The following RSPH14 variants were observed in gnomAD, a reference collection of about 807,000 sequenced individuals.
RSPH14 encodes the protein rhabdoid tumor deletion region gene 1.
A neutral mutation model predicts 26.7 loss-of-function variants in RSPH14; 20 were observed. That is an observed-to-expected ratio of 0.75 (90% confidence interval 0.53 to 1.09). The LOEUF (loss-of-function observed/expected upper bound fraction) is 1.09. RSPH14 is among the 50% of genes least tolerant of loss of function. The pLI is 0.00. For synonymous variants in RSPH14, 177 were observed against 189.3 expected (o/e 0.93, Z 0.53); for missense variants, 449 against 457.2 (o/e 0.98, Z 0.16).
intron 3 of RSPH14, 67 bp from the exon 4 acceptor site, chr22:23,134,211 T>TCAGACTCCAG: frequency 2.5e-6 from 3 of 1,205,056 alleles, no homozygotes; most frequent in Middle Eastern, 2.0e-4. Context: ...ATTAGAAGAG[T>TCAGACTCCAG]CAGGGTCCCT....
intron 3 of RSPH14, chr22:23,137,884 A>C (rs756959471): frequency 6.3e-4 from 101 of 159,874 alleles, no homozygotes; most frequent in Non-Finnish European, 6.2e-4. Context: ...TTCTAATACA[A>C]AGTAAAACTA....
chr22:23,084,280 C>T (rs1189154423), intron 4 of RSPH14, among the ~76,000 whole-genome samples: 1 of 152,176 alleles, frequency 6.6e-6, no homozygotes, highest in African/African-American at 2.4e-5. Context: ...ACTTTGAGTA[C>T]TCATACAACC....
In RSPH14 at chr22:23,065,257, G is replaced by C. The variant is rs563287928; in HGVS notation, c.422-1124C>G. On this transcript the variant is annotated intron_variant, in intron 4 of 6. Coordinates refer to ENST00000216036, the MANE Select transcript of RSPH14 (RefSeq NM_014433.3). Reference sequence around the variant, plus strand: ...CACTCCCTGAGGACATCAAACAGCAGGTGCCCAGGGTGATGGGGTAGAAAG... The same window carrying C: ...CACTCCCTGAGGACATCAAACAGCACGTGCCCAGGGTGATGGGGTAGAAAG... 2.0e-5 allele frequency among the ~76,000 whole-genome samples: 3 copies of C among 152,258 alleles called. No individual in the cohort carries two copies. In the South Asian group the frequency reaches 6.2e-4, roughly 32 times the overall value.
At chr22:23,173,157 C>T in the RSPH14 span, among the ~76,000 whole-genome samples, 5 of 151,776 alleles carry the variant, frequency 3.3e-5, no homozygotes, top group Non-Finnish European at 5.9e-5. Flanking sequence ...TTCTTTGAGA[C>T]GGAGTCTCGC....
intron 4 of RSPH14, chr22:23,123,798 G>T (rs1041310925): frequency 1.1e-4 from 29 of 263,976 alleles, no homozygotes; most frequent in Middle Eastern, 2.8e-3. Flanking sequence ...GATTGTTAGG[G>T]ATAGGCAGCA....
At chr22:23,102,637 C>T (rs1215779771) in intron 4 of RSPH14, among the ~76,000 whole-genome samples, 2 of 152,248 alleles carry the variant, frequency 1.3e-5, no homozygotes, top group Non-Finnish European at 2.9e-5. Context: ...GGGCCTTTTC[C>T]TTTGGCCCCC....
At chr22:23,110,673 G>T (rs2069618901) in intron 4 of RSPH14, among the ~76,000 whole-genome samples, 1 of 152,252 alleles carries the variant, frequency 6.6e-6, no homozygotes, top group South Asian at 2.1e-4. Flanking sequence ...CCTGCCACTG[G>T]TCTGCTGTGG....
chr22:23,161,132 A>G, the RSPH14 span: 560,736 of 1,136,568 alleles, frequency 0.49, 139,779 homozygotes, highest in East Asian at 0.63. Flanking sequence ...CCCTCCTCTC[A>G]GGGTGTCACT....
the RSPH14 span, among the ~76,000 whole-genome samples, chr22:23,171,182 G>A: frequency 6.6e-6 from 1 of 151,978 alleles, no homozygotes; most frequent in Admixed American, 6.6e-5. Context: ...TGGCCAGGAT[G>A]GTCTCAATCT....
At chr22:23,064,940 C>T (rs1490603078) in intron 4 of RSPH14, among the ~76,000 whole-genome samples, 2 of 152,160 alleles carry the variant, frequency 1.3e-5, no homozygotes, top group Non-Finnish European at 1.5e-5. Context: ...GTGGGCAGAA[C>T]AGCCCTCCTG....
rs983499510 is a variant in RSPH14, at chr22:23,140,217, C to T, written c.199+5G>A. The T allele has an allele frequency of 1.2e-6, 2 of 1,613,118 alleles. No homozygotes were observed. The highest frequency in any genetic ancestry group is 2.2e-5 in the South Asian group (2 of 91,036). On this transcript the variant is annotated splice_donor_5th_base_variant and intron_variant, in intron 2 of 6. Coordinates refer to ENST00000216036, the MANE Select transcript of RSPH14 (RefSeq NM_014433.3). ...TCATGGTCACCTGTGCTGTGTCACG[C>T]TCACCTATGTTCATGGCCTTGTAGA...
At chr22:23,135,484 T>C (rs919167380) in intron 3 of RSPH14, among the ~76,000 whole-genome samples, 4 of 100,962 alleles carry the variant, frequency 4.0e-5, no homozygotes, top group African/African-American at 1.3e-4. Flanking sequence ...AGAGCGAGAC[T>C]CTGTCTCAAA....
chr22:23,065,656 C>T (rs1260548109), intron 4 of RSPH14, among the ~76,000 whole-genome samples: 2 of 145,678 alleles, frequency 1.4e-5, no homozygotes, highest in Non-Finnish European at 3.0e-5. Context: ...ATCACTGAAA[C>T]GGGCCTACCT....
the RSPH14 span, chr22:23,162,547 G>T: frequency 9.2e-6 from 4 of 436,622 alleles, no homozygotes; most frequent in Non-Finnish European, 1.9e-5. Context: ...GCATGTTCCT[G>T]TCTCCAACAC....
intron 4 of RSPH14, chr22:23,096,449 G>C: frequency 1.3e-6 from 2 of 1,570,732 alleles, no homozygotes; most frequent in South Asian, 1.2e-5. Context: ...TCCTCTGCTT[G>C]TTCCTGCTGT....
intron 4 of RSPH14, among the ~76,000 whole-genome samples, chr22:23,088,349 G>A (rs1041767661): frequency 6.6e-6 from 1 of 152,192 alleles, no homozygotes; most frequent in African/African-American, 2.4e-5. Context: ...ATCCTTGTGT[G>A]AGGAAGGGCC....
At chr22:23,083,316 C>T (rs1045114478) in intron 4 of RSPH14, among the ~76,000 whole-genome samples, 10 of 151,896 alleles carry the variant, frequency 6.6e-5, no homozygotes, top group Admixed American at 6.6e-5. Context: ...CCACAGAGTC[C>T]CAGGGATATC....
intron 4 of RSPH14, among the ~76,000 whole-genome samples, chr22:23,091,375 A>C (rs1342903094): frequency 6.6e-6 from 1 of 151,088 alleles, no homozygotes; most frequent in East Asian, 1.9e-4. Flanking sequence ...CACACATACC[A>C]CAATGGACCT....
intron 1 of RSPH14, among the ~76,000 whole-genome samples, chr22:23,141,260 C>T (rs982443120): frequency 2.1e-5 from 3 of 140,518 alleles, no homozygotes; most frequent in Admixed American, 7.8e-5. Flanking sequence ...ATCAGGGAGG[C>T]GGAGGTTCCA....
Sources: allele counts gnomAD v4.1 joint callset (sites outside exome capture counted in the v4.1 genomes callset), GRCh38; gene constraint gnomAD v4.1.1; transcripts MANE v1.5; gene names NCBI Gene and HGNC (gene_info 2026-07-23, HGNC 2026-07-21).